TTC28: variants seen among roughly 807,000 people sequenced by gnomAD.
TTC28 encodes the protein tetratricopeptide repeat protein 28.
A neutral mutation model predicts 198.0 loss-of-function variants in TTC28; 61 were observed. The observed-to-expected ratio is 0.31, with a 90% CI of 0.25 to 0.38. The LOEUF is 0.38. Ranked by LOEUF, TTC28 falls within the 10% of genes least tolerant of loss-of-function variation. TTC28 has a pLI of 1.00. For missense variants in TTC28, 2,678 were observed against 3,164.0 expected (o/e 0.85, Z 3.69); for synonymous variants, 1,171 against 1,297.8 (o/e 0.90, Z 2.10).
chr22:28,155,160 T>C (rs1943724066), intron 6 of TTC28, among the ~76,000 whole-genome samples: 1 of 152,228 alleles, frequency 6.6e-6, no homozygotes, highest in East Asian at 1.9e-4. Context: ...TCTATTTGCT[T>C]ACATTCCATT....
intron 2 of TTC28, among the ~76,000 whole-genome samples, chr22:28,613,781 G>A (rs1032337168): frequency 3.3e-5 from 5 of 152,198 alleles, no homozygotes; most frequent in African/African-American, 1.2e-4. Flanking sequence ...ACTAGGTATT[G>A]ATGGAACATA....
chr22:28,428,639 T>A (rs905927979), intron 2 of TTC28, among the ~76,000 whole-genome samples: 1 of 148,854 alleles, frequency 6.7e-6, no homozygotes, highest in African/African-American at 2.5e-5. Context: ...TATTTTATTT[T>A]ATTTTATTTT....
chr22:28,633,141 A>T (rs1253647561), intron 1 of TTC28, among the ~76,000 whole-genome samples: 1 of 151,738 alleles, frequency 6.6e-6, no homozygotes, highest in Non-Finnish European at 1.5e-5. Context: ...TTAGCCAGGC[A>T]TGGTGGCGGG....
chr22:28,335,494 A>G (rs1026599647), intron 2 of TTC28, among the ~76,000 whole-genome samples: 8 of 152,120 alleles, frequency 5.3e-5, no homozygotes, highest in Admixed American at 2.0e-4. Flanking sequence ...TGAGCATAGA[A>G]TGTTCTTCCA....
At chr22:28,352,731 A>G (rs1378260899) in intron 2 of TTC28, among the ~76,000 whole-genome samples, 3 of 152,212 alleles carry the variant, frequency 2.0e-5, no homozygotes, top group Non-Finnish European at 2.9e-5. Context: ...TGCCCATGAA[A>G]TAGGGACTGG....
intron 12 of TTC28, among the ~76,000 whole-genome samples, chr22:28,051,252 C>T (rs1378046870): frequency 1.3e-5 from 2 of 152,198 alleles, no homozygotes; most frequent in Non-Finnish European, 2.9e-5. Flanking sequence ...GCAGGAATCA[C>T]GGAAAGCCTT....
At position 28,098,554 on chromosome 22, in the gene TTC28, C is replaced by CT. The variant is rs71704707; in HGVS notation, c.3547+360dup. On this transcript the variant is annotated intron_variant, in intron 10 of 22. Coordinates refer to ENST00000397906, the MANE Select transcript of TTC28 (RefSeq NM_001145418.2). ...TAGTGAGACCTCATCTCTATTTAAACTTTTTTTTTTTTTTAAGAGACTTTA... is the reference window on the plus strand; with the variant it reads ...TAGTGAGACCTCATCTCTATTTAAACTTTTTTTTTTTTTTTAAGAGACTTTA... Among the ~76,000 whole-genome samples, 253 of 144,830 alleles carry CT rather than the reference C, an allele frequency of 1.7e-3. 4 individuals carry two copies. In the South Asian group the frequency reaches 0.026, roughly 15 times the overall value.
At chr22:27,997,561 T>C (rs553708435) in intron 16 of TTC28, 14 of 152,222 alleles carry the variant, frequency 9.2e-5, no homozygotes, top group African/African-American at 2.9e-4. Flanking sequence ...GCTAAGAAAA[T>C]AGGATTTTTG....
chr22:28,541,169 T>C (rs61143754), intron 2 of TTC28, among the ~76,000 whole-genome samples: 249 of 152,252 alleles, frequency 1.6e-3, no homozygotes, highest in African/African-American at 5.5e-3. Context: ...GCCAAAACAA[T>C]AGAAAAATGA....
intron 1 of TTC28, among the ~76,000 whole-genome samples, chr22:28,635,977 A>ACCC (rs1252349507): frequency 3.9e-4 from 59 of 152,094 alleles, no homozygotes; most frequent in Admixed American, 7.2e-4. Flanking sequence ...TTGTCCCCTG[A>ACCC]TAACCACCCT....
intron 18 of TTC28, chr22:27,993,053 A>G: frequency 3.5e-6 from 2 of 578,838 alleles, no homozygotes; most frequent in Non-Finnish European, 6.1e-6. Flanking sequence ...GGGAAGGGGC[A>G]GCGCCAGTGG....
intron 2 of TTC28, among the ~76,000 whole-genome samples, chr22:28,518,137 A>G (rs866805414): frequency 2.5e-4 from 38 of 152,252 alleles, no homozygotes; most frequent in African/African-American, 8.9e-4. Context: ...CATGCTCAGC[A>G]ATTCTTAGCA....
chr22:28,528,119 C>T (rs2049044973), intron 2 of TTC28, among the ~76,000 whole-genome samples: 1 of 152,162 alleles, frequency 6.6e-6, no homozygotes, highest in South Asian at 2.1e-4. Context: ...ATTCAAACCA[C>T]AGCAATGGGG....
intron 6 of TTC28, among the ~76,000 whole-genome samples, chr22:28,143,280 A>G (rs1943384868): frequency 6.6e-6 from 1 of 152,218 alleles, no homozygotes; most frequent in Admixed American, 6.5e-5. Flanking sequence ...TGGACAAATG[A>G]ATAAAGAAGT....
chr22:28,388,947 T>C (rs2046665363), intron 2 of TTC28, among the ~76,000 whole-genome samples: 1 of 152,194 alleles, frequency 6.6e-6, no homozygotes, highest in Non-Finnish European at 1.5e-5. Flanking sequence ...CTTCCAGTTT[T>C]TGCCCATTCA....
At chr22:28,138,301 T>C (rs903460537) in intron 6 of TTC28, among the ~76,000 whole-genome samples, 27 of 152,148 alleles carry the variant, frequency 1.8e-4, no homozygotes, top group African/African-American at 6.3e-4. Flanking sequence ...TATGAATGCT[T>C]AATAATGGGT....
At chr22:28,479,521 T>C (rs762474564) in intron 2 of TTC28, among the ~76,000 whole-genome samples, 4 of 152,302 alleles carry the variant, frequency 2.6e-5, no homozygotes, top group Admixed American at 6.5e-5. Context: ...TTTACACTAG[T>C]GACTGCTGTT....
chr22:28,531,705 T>C (rs1045002988), intron 2 of TTC28, among the ~76,000 whole-genome samples: 7 of 152,054 alleles, frequency 4.6e-5, no homozygotes, highest in African/African-American at 1.7e-4. Flanking sequence ...TTATAACAAA[T>C]TGTCTCTCAG....
rs1275002322 is a variant in TTC28, at chr22:28,014,293, G to A, written c.4173C>T (p.Pro1391=). Residue 1391 remains proline, a synonymous_variant, in exon 14 of 23, where the codon CCC becomes CCT. Coordinates refer to ENST00000397906, the MANE Select transcript of TTC28 (RefSeq NM_001145418.2). ...GCAGGTCATACAGGGCACGGAGCGGGGGCTTGGCAAACGAGCTCTGCCTCC... is the reference window on the plus strand; with the variant it reads ...GCAGGTCATACAGGGCACGGAGCGGAGGCTTGGCAAACGAGCTCTGCCTCC... ...LPRRQSSFAK[P]PLRALYDLLI... 7 of 1,551,538 alleles carry A rather than the reference G, an allele frequency of 4.5e-6. No individual in the cohort carries two copies. In the East Asian group the frequency reaches 7.3e-5, roughly 16 times the overall value.
Sources: allele counts gnomAD v4.1 joint callset (sites outside exome capture counted in the v4.1 genomes callset), GRCh38; gene constraint gnomAD v4.1.1; transcripts MANE v1.5; gene names NCBI Gene and HGNC (gene_info 2026-07-23, HGNC 2026-07-21).